Variants in DNER observed in about 807,000 individuals in gnomAD.
DNER encodes the protein delta/notch like EGF repeat containing, also known as delta and Notch-like epidermal growth factor-related receptor.
Under a neutral mutation model 78.2 loss-of-function variants are expected in DNER, and 33 were observed. The observed-to-expected ratio is 0.42, with a 90% CI of 0.32 to 0.56. The LOEUF (loss-of-function observed/expected upper bound fraction) is 0.56. Among genes scored for constraint, DNER ranks in the 20% least tolerant of loss-of-function variants. DNER has a pLI of 0.11. For missense variants in DNER, 918 were observed against 975.3 expected, an observed-to-expected ratio of 0.94 and a Z score of 0.78; for synonymous variants, 417 against 384.8, an observed-to-expected ratio of 1.08 and a Z score of -0.98.
intron 1 of DNER, among the ~76,000 whole-genome samples, chr2:229,604,693 C>T (rs1315531392): frequency 6.6e-6 from 1 of 152,162 alleles, no homozygotes; most frequent in Admixed American, 6.5e-5. Context: ...GCTTTTCTAA[C>T]CTTACTTGGA....
chr2:229,568,504 A>T (rs1165535318), intron 4 of DNER, among the ~76,000 whole-genome samples: 1 of 152,252 alleles, frequency 6.6e-6, no homozygotes, highest in Non-Finnish European at 1.5e-5. Flanking sequence ...TCTAAAGGAA[A>T]TGATTTATAA....
chr2:229,400,815 A>G (rs1331113497), intron 10 of DNER, among the ~76,000 whole-genome samples: 1 of 152,054 alleles, frequency 6.6e-6, no homozygotes, highest in Non-Finnish European at 1.5e-5. Context: ...ATAAGTGTGG[A>G]CTACACAACA....
intron 1 of DNER, among the ~76,000 whole-genome samples, chr2:229,593,618 A>G (rs1283896365): frequency 6.6e-6 from 1 of 152,250 alleles, no homozygotes; most frequent in Non-Finnish European, 1.5e-5. Flanking sequence ...AAAAGGAGAT[A>G]TGATAGATTG....
intron 1 of DNER, among the ~76,000 whole-genome samples, chr2:229,610,538 G>A (rs1480735521): frequency 6.6e-6 from 1 of 152,200 alleles, no homozygotes; most frequent in Non-Finnish European, 1.5e-5. Flanking sequence ...GCAGAAATGT[G>A]TCATTTCCTC....
intron 11 of DNER, among the ~76,000 whole-genome samples, chr2:229,383,393 A>T (rs188799820): frequency 6.6e-6 from 1 of 152,224 alleles, no homozygotes; most frequent in African/African-American, 2.4e-5. Flanking sequence ...TAATGACAGG[A>T]GCAAATTCAA....
intron 1 of DNER, among the ~76,000 whole-genome samples, chr2:229,610,046 A>T (rs1328944511): frequency 6.6e-6 from 1 of 152,236 alleles, no homozygotes; most frequent in African/African-American, 2.4e-5. Context: ...TTTGCAGATG[A>T]TTATTTTAAT....
At chr2:229,670,367 T>C (rs1028565428) in intron 1 of DNER, among the ~76,000 whole-genome samples, 3 of 152,180 alleles carry the variant, frequency 2.0e-5, no homozygotes, top group African/African-American at 7.2e-5. Context: ...GATGCTGCTG[T>C]GAAAGCACTC....
At chr2:229,703,110 G>T (rs919814647) in intron 1 of DNER, among the ~76,000 whole-genome samples, 1 of 151,964 alleles carries the variant, frequency 6.6e-6, no homozygotes, top group African/African-American at 2.4e-5. Flanking sequence ...TGGGGAGAAG[G>T]GGGGAGAACA....
At chr2:229,515,924 G>A (rs564062704) in intron 5 of DNER, among the ~76,000 whole-genome samples, 4 of 152,282 alleles carry the variant, frequency 2.6e-5, no homozygotes, top group South Asian at 4.1e-4. Context: ...TTACAGGCAT[G>A]AGCCACCGCA....
chr2:229,588,507 A>AAAC lies in DNER; in HGVS notation c.586-20_586-19insGTT. 6.2e-7 allele frequency: 1 copy of AAAC among 1,605,262 alleles called. No homozygotes were observed. Among genetic ancestry groups the AAAC allele is most frequent in the Non-Finnish European group, 8.5e-7 (1 of 1,173,850 alleles). On this transcript the variant is annotated intron_variant, in intron 2 of 12. Coordinates refer to ENST00000341772, the MANE Select transcript of DNER (RefSeq NM_139072.4). ...GGATCACCTGGGAAGGGAAAAAAAAAACGACATATGATTGGGGTTGTTTAT... is the reference window on the plus strand; with the variant it reads ...GGATCACCTGGGAAGGGAAAAAAAAAAACACGACATATGATTGGGGTTGTTTAT...
intron 9 of DNER, among the ~76,000 whole-genome samples, chr2:229,417,779 CCA>C (rs1248529162): frequency 6.6e-6 from 1 of 152,166 alleles, no homozygotes; most frequent in Non-Finnish European, 1.5e-5. Context: ...CCTTCCTCTT[CCA>C]CAGTTTTCAC....
chr2:229,537,503 T>C lies in DNER; in HGVS notation c.993+9444A>G, dbSNP rs142341800. On this transcript the variant is annotated intron_variant, in intron 5 of 12. Transcript: ENST00000341772. ...TTGGATAAACGGCTTAAATATCTCT[T>C]AGACCTTGATTTCCTGGTGTTTAAA... Among the ~76,000 whole-genome samples the C allele has an allele frequency of 2.9e-3, 441 of 152,294 alleles. 2 individuals carry two copies. Among genetic ancestry groups the C allele is most frequent in the African/African-American group, 0.01 (429 of 41,576 alleles).
In DNER at chr2:229,443,105, A is replaced by T. The variant is rs111868934; in HGVS notation, c.1486+4211T>A. Among the ~76,000 whole-genome samples the T allele has an allele frequency of 6.9e-3, 1,047 of 152,166 alleles. 16 individuals carry two copies. Among genetic ancestry groups the T allele is most frequent in the African/African-American group, 0.023 (971 of 41,418 alleles). On this transcript the variant is annotated intron_variant, in intron 8 of 12. Coordinates refer to ENST00000341772, the MANE Select transcript of DNER (RefSeq NM_139072.4). ...TCTTAGATCTTGCTTGTTAAAAAAA[A>T]TTATAAACATATTTCCACGTAAAAA... is the stretch of plus-strand genomic sequence containing the variant.
intron 8 of DNER, among the ~76,000 whole-genome samples, chr2:229,419,414 T>A (rs1327054268): frequency 6.6e-6 from 1 of 152,238 alleles, no homozygotes; most frequent in Non-Finnish European, 1.5e-5. Flanking sequence ...TGAATTCAGA[T>A]AAGCAGAAAA....
chr2:229,388,592 AATATATATATATATATATATAT>A (rs56042896), intron 10 of DNER, among the ~76,000 whole-genome samples, 196 bp from the exon 11 acceptor site: 938 of 57,972 alleles, frequency 0.016, 40 homozygotes, highest in African/African-American at 0.046. Context: ...CTAAAAAGGA[AATATATATATATATATATATAT>A]ATATATATAT....
intron 7 of DNER, among the ~76,000 whole-genome samples, chr2:229,461,902 A>C (rs1363509138): frequency 2.0e-5 from 3 of 152,174 alleles, no homozygotes; most frequent in Non-Finnish European, 4.4e-5. Flanking sequence ...GGTCTATTTC[A>C]AACACATGGA....
At chr2:229,668,012 G>A (rs1262769337) in intron 1 of DNER, among the ~76,000 whole-genome samples, 1 of 152,166 alleles carries the variant, frequency 6.6e-6, no homozygotes, top group Admixed American at 6.5e-5. Flanking sequence ...AAATAGATGT[G>A]TTGTAGCATT....
At chr2:229,505,370 G>T (rs1460980007) in intron 6 of DNER, among the ~76,000 whole-genome samples, 1 of 152,192 alleles carries the variant, frequency 6.6e-6, no homozygotes, top group Non-Finnish European at 1.5e-5. Context: ...GATGAGCAAA[G>T]AGGGAGTTAT....
At chr2:229,564,765 C>T (rs1697069709) in intron 4 of DNER, among the ~76,000 whole-genome samples, 1 of 152,076 alleles carries the variant, frequency 6.6e-6, no homozygotes, top group Non-Finnish European at 1.5e-5. Flanking sequence ...CATAAGCAAC[C>T]AACATGTATT....
Sources: allele counts gnomAD v4.1 joint callset (sites outside exome capture counted in the v4.1 genomes callset), GRCh38; gene constraint gnomAD v4.1.1; transcripts MANE v1.5; gene names NCBI Gene and HGNC (gene_info 2026-07-23, HGNC 2026-07-21).